The following PCDHGB3 variants were observed in gnomAD, a reference collection of about 807,000 sequenced individuals.
PCDHGB3 encodes protocadherin gamma-B3.
A neutral mutation model predicts 59.2 loss-of-function variants in PCDHGB3; 40 were observed. The observed-to-expected ratio is 0.68, with a 90% confidence interval of 0.52 to 0.88. The LOEUF is 0.88. PCDHGB3 is among the 40% of genes least tolerant of loss of function. PCDHGB3 has a pLI of 0.00. For synonymous variants in PCDHGB3, 581 were observed against 503.6 expected (o/e 1.15, Z -2.06); for missense variants, 1,309 against 1,187.9 (o/e 1.10, Z -1.50).
chr5:141,421,243 C>T (rs201273667), intron 1 of PCDHGB3: 12 of 1,601,540 alleles, frequency 7.5e-6, no homozygotes, highest in Non-Finnish European at 1.0e-5. Flanking sequence ...GAATCGGCTA[C>T]AGCGCGGGGA....
chr5:141,371,159 G>T lies in PCDHGB3; in HGVS notation c.765G>T (p.Leu255=). 1.2e-6 allele frequency: 2 copies of T among 1,614,024 alleles called. No homozygotes were observed. Among genetic ancestry groups the T allele is most frequent in the Non-Finnish European group, 1.7e-6 (2 of 1,179,900 alleles). Residue 255 remains leucine, a synonymous_variant, in exon 1 of 4, where the codon CTG becomes CTT. Coordinates refer to ENST00000576222, the MANE Select transcript of PCDHGB3 (RefSeq NM_018924.5). ...DMYRVNVAEN[L]PAGSSVLKVM... The stretch of plus-strand genomic sequence containing the variant: ...ACAGGGTCAATGTTGCAGAGAACCT[G>T]CCCGCTGGCTCCTCCGTATTAAAAG...
Position 141,432,809 on chromosome 5 carries a change from T to A in PCDHGB3, c.2415+60000T>A. ...CGGCAGCCTCGAGTCTCCAGCTAAC[T>A]CTGAAACCTCAGACCTCACTCTGTA... is the stretch of plus-strand genomic sequence containing the variant. On this transcript the variant is annotated intron_variant, in intron 1 of 3. Coordinates refer to ENST00000576222, the MANE Select transcript of PCDHGB3 (RefSeq NM_018924.5). This position sits in a 1 kb window ranked among gnomAD's most constrained non-coding sequence, Gnocchi z 6.0. The A allele has an allele frequency of 6.2e-7, 1 of 1,613,398 alleles. No homozygotes were observed. Among genetic ancestry groups the A allele is most frequent in the Non-Finnish European group, 8.5e-7 (1 of 1,179,980 alleles).
intron 1 of PCDHGB3, among the ~76,000 whole-genome samples, chr5:141,448,007 AC>A (rs1430481139): frequency 1.3e-5 from 2 of 151,784 alleles, no homozygotes; most frequent in Non-Finnish European, 2.9e-5. Context: ...AATCGCTTGA[AC>A]CCAGGAGGTG....
chr5:141,407,919 C>A, intron 1 of PCDHGB3: 1 of 472,082 alleles, frequency 2.1e-6, no homozygotes, highest in Non-Finnish European at 3.7e-6. Flanking sequence ...GGCTGCTGTC[C>A]CGCACGGAGC....
chr5:141,376,152 C>T, intron 1 of PCDHGB3: 2 of 1,614,026 alleles, frequency 1.2e-6, no homozygotes, highest in Non-Finnish European at 1.7e-6. Context: ...TCGGACCTCA[C>T]TCTGTACCTG....
intron 3 of PCDHGB3, among the ~76,000 whole-genome samples, chr5:141,506,402 G>C (rs1032556978): frequency 7.0e-6 from 1 of 143,732 alleles, no homozygotes; most frequent in African/African-American, 2.6e-5. Context: ...GCAGAAAATC[G>C]CACCACTGCA....
intron 1 of PCDHGB3, chr5:141,404,696 G>T: frequency 6.2e-7 from 1 of 1,614,104 alleles, no homozygotes; most frequent in South Asian, 1.1e-5. Flanking sequence ...ACCCCGCTCT[G>T]CAGAGCCTGG....
At chr5:141,374,291 G>A (rs988844728) in intron 1 of PCDHGB3, 2 of 1,613,858 alleles carry the variant, frequency 1.2e-6, no homozygotes, top group African/African-American at 1.3e-5. Flanking sequence ...CGTCTCCAGA[G>A]GTAGGATGCA....
chr5:141,477,932 C>G lies in PCDHGB3; in HGVS notation c.2416-16875C>G, dbSNP rs1193822505. The G allele has an allele frequency of 3.1e-6, 5 of 1,614,040 alleles. No individual in the cohort carries two copies. The highest frequency in any genetic ancestry group is 4.2e-6 in the Non-Finnish European group (5 of 1,180,042). On this transcript the variant is annotated intron_variant, in intron 1 of 3. Transcript: ENST00000576222. This position sits in a 1 kb window ranked among gnomAD's most constrained non-coding sequence, Gnocchi z 4.9. ...CGCGGATGCAGGGCACAATGCCTGG[C>G]TCTCCTACAGTCTCTTGGGATCCCC... is the stretch of plus-strand genomic sequence containing the variant.
In PCDHGB3 at chr5:141,487,218, C is replaced by G. The variant is rs2099641338; in HGVS notation, c.2416-7589C>G. The stretch of plus-strand genomic sequence containing the variant: ...CCAGATCTTCGAGAATCTTCAGCTC[C>G]AAGGGAAGGAGAATCTCGTCTAACC... On this transcript the variant is annotated intron_variant, in intron 1 of 3. Transcript: ENST00000576222. The surrounding 1 kb of genome is among the most constrained non-coding windows in gnomAD (Gnocchi z 5.0). 1 of 1,613,820 alleles carries G rather than the reference C, an allele frequency of 6.2e-7. No homozygotes were observed. The highest frequency in any genetic ancestry group is 1.1e-5 in the South Asian group (1 of 91,078).
At chr5:141,376,180 G>T (rs113596971) in intron 1 of PCDHGB3, 6 of 1,614,100 alleles carry the variant, frequency 3.7e-6, no homozygotes, top group East Asian at 2.2e-5. Context: ...CGGTGGCCGC[G>T]GTCTCCTGCG....
In PCDHGB3 at chr5:141,459,848, C is replaced by T. The variant is rs573481876; in HGVS notation, c.2416-34959C>T. Among the ~76,000 whole-genome samples the T allele has an allele frequency of 1.1e-4, 16 of 152,244 alleles. No homozygotes were observed. In the South Asian group the frequency reaches 2.5e-3, roughly 24 times the overall value. ...TTTCATGTGTTGTCTATTTGTATATCTTCTTGAAGCATTCGTTCATCTTTA... is the reference window on the plus strand; with the variant it reads ...TTTCATGTGTTGTCTATTTGTATATTTTCTTGAAGCATTCGTTCATCTTTA... On this transcript the variant is annotated intron_variant, in intron 1 of 3. Transcript: ENST00000576222.
At chr5:141,398,867 A>G (rs375842913) in intron 1 of PCDHGB3, 18 of 1,613,862 alleles carry the variant, frequency 1.1e-5, no homozygotes, top group Non-Finnish European at 1.4e-5. Context: ...CGAGACGTGT[A>G]CAGAGTCAGC....
rs112156044 is a variant in PCDHGB3, at chr5:141,476,771, G to A, written c.2416-18036G>A. The A allele has an allele frequency of 6.2e-7, 1 of 1,613,700 alleles. No homozygotes were observed. The highest frequency in any genetic ancestry group is 1.3e-5 in the African/African-American group (1 of 75,036). On this transcript the variant is annotated intron_variant, in intron 1 of 3. Coordinates refer to ENST00000576222, the MANE Select transcript of PCDHGB3 (RefSeq NM_018924.5). The surrounding 1 kb of genome is among the most constrained non-coding windows in gnomAD (Gnocchi z 7.6). ...CCAGTTAGTGCTGACGGCGTTGGAC[G>A]GAGGGACCCCAGCTCTCTCCGCCAG...
chr5:141,456,312 GCTC>G (rs2098849548), intron 1 of PCDHGB3, among the ~76,000 whole-genome samples: 1 of 152,126 alleles, frequency 6.6e-6, no homozygotes, highest in Admixed American at 6.6e-5. Context: ...AGCAGCTAGG[GCTC>G]CTCCTGGGGT....
Position 141,489,391 on chromosome 5 carries a change from G to C in PCDHGB3, c.2416-5416G>C. 6.2e-7 allele frequency: 1 copy of C among 1,614,174 alleles called. No individual in the cohort carries two copies. The highest frequency in any genetic ancestry group is 8.5e-7 in the Non-Finnish European group (1 of 1,180,022). ...GACGCTGGTGGGGAATGTTGCTCAG[G>C]ATCTGGGCTTAAAGATGACAGATCT... On this transcript the variant is annotated intron_variant, in intron 1 of 3. Transcript: ENST00000576222. This position sits in a 1 kb window ranked among gnomAD's most constrained non-coding sequence, Gnocchi z 4.5.
chr5:141,495,424 A>C (rs927637242), intron 2 of PCDHGB3, among the ~76,000 whole-genome samples: 1 of 152,088 alleles, frequency 6.6e-6, no homozygotes, highest in African/African-American at 2.4e-5. Context: ...CCCTCCTCCC[A>C]CTGTCCTCTG....
At chr5:141,421,994 T>A (rs765586654) in intron 1 of PCDHGB3, 3 of 1,608,922 alleles carry the variant, frequency 1.9e-6, no homozygotes, top group Non-Finnish European at 2.5e-6. Flanking sequence ...CCAGAAAACA[T>A]CAGCTCCGGA....
At chr5:141,427,683 G>C in intron 1 of PCDHGB3, 1 of 836,052 alleles carries the variant, frequency 1.2e-6, no homozygotes. Flanking sequence ...CCTTCCCGGA[G>C]CCTCCATCCC....
Sources: gnomAD v4.1 joint callset for allele counts (sites outside exome capture counted in the v4.1 genomes callset) on GRCh38, gnomAD v4.1.1 for gene constraint, Gnocchi (gnomAD v3.1) non-coding constraint, MANE v1.5 for transcripts, NCBI Gene and HGNC (gene_info 2026-07-23, HGNC 2026-07-21) for gene names.